DIP2C: variants seen among roughly 807,000 people sequenced by gnomAD.
The protein encoded by DIP2C is DIP2 acetate--CoA ligase C (putative).
In DIP2C, 33 loss-of-function variants were observed where a neutral mutation model predicts 192.4. The observed-to-expected ratio is 0.17, with a 90% CI of 0.13 to 0.23. DIP2C has a LOEUF of 0.23. DIP2C is among the 10% of genes least tolerant of loss of function. DIP2C has a pLI of 1.00. For missense variants in DIP2C, 1,537 were observed against 2,110.1 expected (o/e 0.73, Z 5.32); for synonymous variants, 979 against 864.1 (o/e 1.13, Z -2.33).
At chr10:375,320 C>CA (rs1228795261) in intron 17 of DIP2C, among the ~76,000 whole-genome samples, 1 of 152,190 alleles carries the variant, frequency 6.6e-6, no homozygotes, top group Non-Finnish European at 1.5e-5. Flanking sequence ...TGCAGGCTCC[C>CA]ACTTTGCCTT....
intron 29 of DIP2C, among the ~76,000 whole-genome samples, chr10:335,013 T>G (rs1957692028): frequency 6.6e-6 from 1 of 152,228 alleles, no homozygotes; most frequent in Non-Finnish European, 1.5e-5. Flanking sequence ...ACATTGAACC[T>G]ATAAAGCAAT....
intron 1 of DIP2C, among the ~76,000 whole-genome samples, chr10:580,870 C>T (rs766873280): frequency 6.6e-6 from 1 of 152,212 alleles, no homozygotes; most frequent in Admixed American, 6.5e-5. Flanking sequence ...CTGTGGAGTT[C>T]AGAGGTTTCC....
intron 1 of DIP2C, among the ~76,000 whole-genome samples, chr10:553,620 G>A (rs932585801): frequency 6.6e-6 from 1 of 152,202 alleles, no homozygotes; most frequent in Non-Finnish European, 1.5e-5. Context: ...GTGGAATTAG[G>A]ATTTAGTCCA....
intron 6 of DIP2C, among the ~76,000 whole-genome samples, chr10:417,273 G>A (rs555323055): frequency 1.3e-5 from 2 of 152,134 alleles, no homozygotes; most frequent in South Asian, 4.2e-4. Flanking sequence ...CTCCCAGCAA[G>A]GGCCCCTGTG....
At chr10:602,342 T>C (rs1037402641) in intron 1 of DIP2C, among the ~76,000 whole-genome samples, 2 of 152,206 alleles carry the variant, frequency 1.3e-5, no homozygotes, top group Non-Finnish European at 2.9e-5. Context: ...TGTGGCTCTG[T>C]GGCAGTAATG....
intron 14 of DIP2C, among the ~76,000 whole-genome samples, chr10:386,955 G>A (rs375557440): frequency 7.0e-4 from 107 of 152,244 alleles, no homozygotes; most frequent in East Asian, 5.6e-3. Flanking sequence ...AGCCCGGCAC[G>A]TCATCCAGGG....
intron 1 of DIP2C, among the ~76,000 whole-genome samples, chr10:555,831 G>A (rs7093951): frequency 0.15 from 23,481 of 152,058 alleles, 2,989 homozygotes; most frequent in African/African-American, 0.35. Context: ...TCCAGTCTCC[G>A]TTCCACCCCC....
At chr10:482,502 C>G (rs1346178187) in intron 2 of DIP2C, among the ~76,000 whole-genome samples, 2 of 152,226 alleles carry the variant, frequency 1.3e-5, no homozygotes, top group Non-Finnish European at 2.9e-5. Context: ...AACCCCCTTA[C>G]AGAGTCCTTG....
intron 1 of DIP2C, among the ~76,000 whole-genome samples, chr10:532,369 C>G (rs1192940358): frequency 1.3e-5 from 2 of 152,182 alleles, no homozygotes; most frequent in Non-Finnish European, 2.9e-5. Context: ...ACCATGAGGC[C>G]CAGGGTAGCC....
chr10:633,513 CGGCCGG>C (rs144562811), intron 1 of DIP2C, among the ~76,000 whole-genome samples: 2,803 of 152,312 alleles, frequency 0.018, 86 homozygotes, highest in African/African-American at 0.064. Flanking sequence ...CCCCTGCCTC[CGGCCGG>C]TGCCCACTGC....
intron 25 of DIP2C, 65 bp downstream of exon 25, chr10:349,266 G>T: frequency 6.4e-7 from 1 of 1,564,030 alleles, no homozygotes; most frequent in Non-Finnish European, 8.7e-7. Flanking sequence ...GGGTGTAAGG[G>T]ACCTCCTCGC....
intron 1 of DIP2C, among the ~76,000 whole-genome samples, chr10:499,608 G>T (rs1345904538): frequency 6.6e-6 from 1 of 152,188 alleles, no homozygotes; most frequent in Non-Finnish European, 1.5e-5. Context: ...GTGGCTGCAG[G>T]TCGCAGGAAG....
chr10:324,878 C>G (rs1222336174), intron 31 of DIP2C: 1 of 518,396 alleles, frequency 1.9e-6, no homozygotes, highest in African/African-American at 1.9e-5. Context: ...TGTCCCTTTC[C>G]TGCGCTGTTT....
chr10:525,422 ACAG>A lies in DIP2C; in HGVS notation c.86-38895_86-38893del, dbSNP rs1367313000. The stretch of plus-strand genomic sequence containing the variant: ...ATGAAAATACATACATTTGTGATGG[ACAG>A]CAGAACACAGTACAGATACTAATTA... On this transcript the variant is annotated intron_variant, in intron 1 of 36. Coordinates refer to ENST00000280886, the MANE Select transcript of DIP2C (RefSeq NM_014974.3). 5.3e-5 allele frequency among the ~76,000 whole-genome samples: 8 copies of A among 152,362 alleles called. No individual in the cohort carries two copies. In the East Asian group the frequency reaches 7.7e-4, roughly 15 times the overall value.
intron 29 of DIP2C, among the ~76,000 whole-genome samples, chr10:337,002 CCTAG>C: frequency 1.7e-5 from 1 of 58,108 alleles, no homozygotes; most frequent in Admixed American, 2.6e-4. Flanking sequence ...GTTGTGGAGG[CCTAG>C]GCAGCTGTGT....
chr10:577,144 C>T (rs1228057856), intron 1 of DIP2C, among the ~76,000 whole-genome samples: 1 of 152,132 alleles, frequency 6.6e-6, no homozygotes, highest in Admixed American at 6.5e-5. Flanking sequence ...GAGTAAGTTC[C>T]AGTATGGCTG....
intron 1 of DIP2C, among the ~76,000 whole-genome samples, chr10:508,877 T>C (rs1419603404): frequency 2.0e-5 from 3 of 152,144 alleles, no homozygotes; most frequent in Non-Finnish European, 4.4e-5. Context: ...AACACGGCTG[T>C]TCCAACAGCA....
chr10:371,053 T>C (rs1040391537), intron 17 of DIP2C, among the ~76,000 whole-genome samples: 1 of 152,186 alleles, frequency 6.6e-6, no homozygotes, highest in Admixed American at 6.5e-5. Flanking sequence ...ATCCCCGGGC[T>C]TTCCATTATC....
intron 32 of DIP2C, among the ~76,000 whole-genome samples, chr10:305,994 T>TATATATA (rs201950305): frequency 6.7e-6 from 1 of 148,660 alleles, no homozygotes; most frequent in African/African-American, 2.6e-5. Context: ...TATATATATA[T>TATATATA]TATATTTTTT....
Sources: gnomAD v4.1 joint callset for allele counts (sites outside exome capture counted in the v4.1 genomes callset) on GRCh38, gnomAD v4.1.1 for gene constraint, MANE v1.5 for transcripts, NCBI Gene and HGNC (gene_info 2026-07-23, HGNC 2026-07-21) for gene names.